The following HHAT variants were observed in gnomAD, a reference collection of about 807,000 sequenced individuals.
HHAT encodes the protein protein-cysteine N-palmitoyltransferase HHAT.
A neutral mutation model predicts 70.8 loss-of-function variants in HHAT; 47 were observed. That is an observed-to-expected ratio of 0.66 (90% confidence interval 0.53 to 0.85). The LOEUF is 0.85. HHAT is among the 40% of genes least tolerant of loss of function. The pLI is 0.00. For synonymous variants in HHAT, 228 were observed against 247.6 expected, an observed-to-expected ratio of 0.92 and a Z score of 0.74; for missense variants, 609 against 604.8, an observed-to-expected ratio of 1.01 and a Z score of -0.07.
At chr1:210,591,831 T>G (rs2148797601) in intron 10 of HHAT, among the ~76,000 whole-genome samples, 1 of 152,302 alleles carries the variant, frequency 6.6e-6, no homozygotes. Flanking sequence ...ATATGTCATC[T>G]TTTTAGAAAT....
intron 11 of HHAT, among the ~76,000 whole-genome samples, chr1:210,625,903 C>G (rs1380074199): frequency 6.6e-6 from 1 of 152,188 alleles, no homozygotes; most frequent in African/African-American, 2.4e-5. Flanking sequence ...TTGGCCAGAG[C>G]CAGTCATATG....
At chr1:210,461,833 G>C (rs570546072) in intron 7 of HHAT, among the ~76,000 whole-genome samples, 1 of 152,050 alleles carries the variant, frequency 6.6e-6, no homozygotes, top group South Asian at 2.1e-4. Flanking sequence ...ATCTTAAGCC[G>C]TAAGAAATAT....
intron 3 of HHAT, among the ~76,000 whole-genome samples, chr1:210,372,921 T>C (rs1002595675): frequency 6.6e-6 from 1 of 152,192 alleles, no homozygotes; most frequent in Non-Finnish European, 1.5e-5. Context: ...AGAAAAATTT[T>C]AATCCATCAC....
chr1:210,329,085 C>A lies in HHAT; in HGVS notation c.-63C>A. 1.4e-6 allele frequency: 2 copies of A among 1,417,696 alleles called. No homozygotes were observed. The highest frequency in any genetic ancestry group is 9.2e-7 in the Non-Finnish European group (1 of 1,084,726). The allele number at this position is 1,417,696 out of a possible 1,614,324, so 87.8% of individuals were successfully genotyped here. On this transcript the variant is annotated 5_prime_UTR_variant, in exon 1 of 12. Coordinates refer to ENST00000261458, the MANE Select transcript of HHAT (RefSeq NM_018194.6). ...GCGCGCGTGAACGTTGCCGTCGCCG[C>A]CGCCCGGGACAGCCCGGAGGTTGGT... is the stretch of plus-strand genomic sequence containing the variant.
At chr1:210,662,126 A>C (rs1553324868) in intron 11 of HHAT, among the ~76,000 whole-genome samples, 1 of 152,270 alleles carries the variant, frequency 6.6e-6, no homozygotes, top group Admixed American at 6.5e-5. Context: ...CTTTGTTGTC[A>C]CTGAGCCTTT....
At chr1:210,665,494 G>T (rs781477091) in intron 11 of HHAT, among the ~76,000 whole-genome samples, 5 of 152,172 alleles carry the variant, frequency 3.3e-5, no homozygotes, top group Non-Finnish European at 5.9e-5. Context: ...AGGTCATAGC[G>T]CTGTTCAGCC....
At chr1:210,421,781 T>C (rs1333135900) in intron 7 of HHAT, among the ~76,000 whole-genome samples, 1 of 152,184 alleles carries the variant, frequency 6.6e-6, no homozygotes, top group East Asian at 1.9e-4. Flanking sequence ...TGTTAACTTT[T>C]GCCCATTTTT....
intron 9 of HHAT, among the ~76,000 whole-genome samples, chr1:210,570,111 A>G (rs2148732026): frequency 6.6e-6 from 1 of 152,332 alleles, no homozygotes; most frequent in African/African-American, 2.4e-5. Flanking sequence ...CTGAGCCACC[A>G]TTAGAGTTTA....
intron 4 of HHAT, among the ~76,000 whole-genome samples, chr1:210,389,963 ATAGTAT>A (rs2091345980): frequency 6.6e-6 from 1 of 152,224 alleles, no homozygotes; most frequent in African/African-American, 2.4e-5. Flanking sequence ...GATCAATAAG[ATAGTAT>A]TAGTTTTTTT....
intron 1 of HHAT, among the ~76,000 whole-genome samples, chr1:210,339,048 C>T (rs180927318): frequency 2.0e-5 from 3 of 152,094 alleles, no homozygotes; most frequent in Non-Finnish European, 4.4e-5. Context: ...TGTCTCAAAA[C>T]AAAAACAACA....
intron 4 of HHAT, among the ~76,000 whole-genome samples, chr1:210,399,020 C>T (rs916030566): frequency 3.3e-5 from 5 of 152,192 alleles, no homozygotes; most frequent in African/African-American, 1.2e-4. Flanking sequence ...AAAGAGTTAG[C>T]ATCAAAGCAC....
intron 11 of HHAT, among the ~76,000 whole-genome samples, chr1:210,656,885 T>G (rs1281629417): frequency 6.6e-6 from 1 of 152,256 alleles, no homozygotes; most frequent in African/African-American, 2.4e-5. Flanking sequence ...CTGCTTCCCC[T>G]CCAGGGGCTG....
intron 9 of HHAT, among the ~76,000 whole-genome samples, chr1:210,541,121 G>A (rs950579118): frequency 3.9e-5 from 6 of 152,250 alleles, no homozygotes; most frequent in South Asian, 2.1e-4. Flanking sequence ...GATTACAGGT[G>A]TGAGCCACTG....
chr1:210,374,367 T>A (rs932586693), intron 3 of HHAT: 2 of 152,264 alleles, frequency 1.3e-5, no homozygotes, highest in African/African-American at 4.8e-5. Context: ...GCCTACAGTT[T>A]GCACAAAAAG....
At chr1:210,386,235 T>TTTTC (rs2091047658) in intron 3 of HHAT, among the ~76,000 whole-genome samples, 1 of 92,010 alleles carries the variant, frequency 1.1e-5, no homozygotes, top group Non-Finnish European at 2.2e-5. Flanking sequence ...TTTTTCTTTT[T>TTTTC]TTTTTTTTTT....
intron 11 of HHAT, among the ~76,000 whole-genome samples, chr1:210,669,373 C>T (rs1361177183): frequency 7.1e-6 from 1 of 141,416 alleles, no homozygotes; most frequent in Non-Finnish European, 1.6e-5. Context: ...TGTGTCCTAC[C>T]TGTTTCTCAT....
chr1:210,652,136 T>G (rs1208247856), intron 11 of HHAT, among the ~76,000 whole-genome samples: 2 of 151,832 alleles, frequency 1.3e-5, no homozygotes, highest in African/African-American at 4.8e-5. Flanking sequence ...CCAAGTAGTA[T>G]TAAATGGGTG....
At chr1:210,568,314 T>C (rs1655271282) in intron 9 of HHAT, among the ~76,000 whole-genome samples, 1 of 152,262 alleles carries the variant, frequency 6.6e-6, no homozygotes, top group African/African-American at 2.4e-5. Flanking sequence ...TCTCTTCATC[T>C]CTATCTTTTG....
rs1680826517 is a variant in HHAT at position 210,674,505 on chromosome 1, T to G, written c.*126T>G. The G allele has an allele frequency of 3.1e-6, 2 of 654,804 alleles. No homozygotes were observed. Among genetic ancestry groups the G allele is most frequent in the Non-Finnish European group, 5.3e-6 (2 of 380,836 alleles). 40.6% of individuals were successfully genotyped at this position (654,804 alleles called of 1,614,324 possible). A position where few individuals can be genotyped will look rare whatever the true frequency, so the allele number is the denominator to read the frequency against. ...CTCATCTTCAGTTGAATGCCCTCAC[T>G]CCAAGACTGGATGCTGGATCTCATA... On this transcript the variant is annotated 3_prime_UTR_variant, in exon 12 of 12. Transcript: ENST00000261458.
Sources: allele counts gnomAD v4.1 joint callset (sites outside exome capture counted in the v4.1 genomes callset), GRCh38; gene constraint gnomAD v4.1.1; transcripts MANE v1.5; gene names NCBI Gene and HGNC (gene_info 2026-07-23, HGNC 2026-07-21).